The following COTL1 variants were observed in gnomAD, a reference collection of about 807,000 sequenced individuals.
COTL1 encodes the protein coactosin-like protein.
Under a neutral mutation model 16.5 loss-of-function variants are expected in COTL1, and 15 were observed. That is an observed-to-expected ratio of 0.91 (90% CI 0.61 to 1.40). The LOEUF is 1.40. COTL1 is among the 40% of genes most tolerant of loss of function. The probability of loss-of-function intolerance (pLI) is 0.00; values close to 1 mark genes in which losing one functional copy is unlikely to be tolerated. For synonymous variants in COTL1, 112 were observed against 85.3 expected (o/e 1.31, Z -1.73); for missense variants, 220 against 201.5 (o/e 1.09, Z -0.56).
At chr16:84,580,716 G>C (rs1904568874) in intron 3 of COTL1, among the ~76,000 whole-genome samples, 1 of 152,186 alleles carries the variant, frequency 6.6e-6, no homozygotes, top group Non-Finnish European at 1.5e-5. Context: ...TTCCTCATCT[G>C]TATATTGGGG....
chr16:84,593,575 G>C (rs549578652), intron 2 of COTL1, among the ~76,000 whole-genome samples: 1 of 151,110 alleles, frequency 6.6e-6, no homozygotes, highest in Non-Finnish European at 1.5e-5. Context: ...GCAGTGGCGC[G>C]ATCTCGGCTC....
intron 2 of COTL1, among the ~76,000 whole-genome samples, chr16:84,604,899 C>T (rs1905181801): frequency 6.6e-6 from 1 of 152,188 alleles, no homozygotes; most frequent in African/African-American, 2.4e-5. Flanking sequence ...GAATTCTAGC[C>T]AGAAACGGGG....
intron 2 of COTL1, among the ~76,000 whole-genome samples, chr16:84,599,408 C>T (rs531580103): frequency 6.6e-6 from 1 of 152,232 alleles, no homozygotes; most frequent in African/African-American, 2.4e-5. Flanking sequence ...ATGAGAAACA[C>T]AAAAAAGCAA....
chr16:84,603,161 G>A (rs1375130100), intron 2 of COTL1, among the ~76,000 whole-genome samples: 8 of 152,158 alleles, frequency 5.3e-5, no homozygotes, highest in Admixed American at 5.2e-4. Context: ...GTTGGTGGGG[G>A]CAGACTCGCA....
rs148011738 is a variant in COTL1 at position 84,612,384 on chromosome 16, G to T, written c.160+5117C>A. Among the ~76,000 whole-genome samples, 255 of 152,346 alleles carry T rather than the reference G, an allele frequency of 1.7e-3. 2 individuals carry two copies. The highest frequency in any genetic ancestry group is 5.8e-3 in the African/African-American group (243 of 41,572). ...GTCCACATGGGGCCAAATGCCTATT[G>T]CATACCAGCCTGGGCCAGGTGCCTA... On this transcript the variant is annotated intron_variant, in intron 2 of 3. Transcript: ENST00000262428.
chr16:84,574,246 G>A (rs114881297), intron 3 of COTL1, among the ~76,000 whole-genome samples: 3,142 of 152,308 alleles, frequency 0.021, 105 homozygotes, highest in African/African-American at 0.072. Flanking sequence ...GCAGGGCCCT[G>A]GGGATGCGTT....
intron 3 of COTL1, among the ~76,000 whole-genome samples, chr16:84,589,796 T>G (rs2967858): frequency 0.36 from 54,923 of 151,488 alleles, 10,487 homozygotes; most frequent in Middle Eastern, 0.42. Flanking sequence ...GCCGCTATTC[T>G]GGTCCCCCCA....
chr16:84,614,836 G>A (rs137935081), intron 2 of COTL1, among the ~76,000 whole-genome samples: 13 of 152,228 alleles, frequency 8.5e-5, no homozygotes, highest in Admixed American at 2.0e-4. Flanking sequence ...GCAATCCCAC[G>A]AGAGGTGAGA....
chr16:84,581,452 T>C (rs766483078), intron 3 of COTL1, among the ~76,000 whole-genome samples: 7 of 151,886 alleles, frequency 4.6e-5, no homozygotes, highest in South Asian at 2.1e-4. Context: ...CCATGGAGGG[T>C]TGTAGGTTCT....
intron 2 of COTL1, among the ~76,000 whole-genome samples, chr16:84,615,770 C>T (rs891282186): frequency 1.3e-5 from 2 of 152,132 alleles, no homozygotes; most frequent in Non-Finnish European, 2.9e-5. Flanking sequence ...CGTTGCAGTG[C>T]TTTATGCTGC....
chr16:84,612,708 G>A (rs956843506), intron 2 of COTL1, among the ~76,000 whole-genome samples: 34 of 152,224 alleles, frequency 2.2e-4, no homozygotes, highest in Non-Finnish European at 1.3e-4. Context: ...TCTTGACCCC[G>A]GGAGGCAGAG....
intron 3 of COTL1, among the ~76,000 whole-genome samples, chr16:84,589,020 G>C (rs1366746819): frequency 2.6e-5 from 4 of 151,846 alleles, no homozygotes; most frequent in Non-Finnish European, 5.9e-5. Flanking sequence ...GCCCAGGCTG[G>C]AGTGCAGTGG....
chr16:84,590,413 G>A lies in COTL1; in HGVS notation c.161-151C>T. On this transcript the variant is annotated intron_variant, in intron 2 of 3. Transcript: ENST00000262428. This position sits in a 1 kb window ranked among gnomAD's most constrained non-coding sequence, Gnocchi z 5.5. Reference sequence around the variant, plus strand: ...TGGGAGCACCATGTGCAGAGGACAGGAGGGAAGCACTCATCCGCTGCCCTT... The same window carrying A: ...TGGGAGCACCATGTGCAGAGGACAGAAGGGAAGCACTCATCCGCTGCCCTT... 2.5e-6 allele frequency: 2 copies of A among 804,878 alleles called. No individual in the cohort carries two copies. The highest frequency in any genetic ancestry group is 1.9e-5 in the South Asian group (1 of 51,606). The allele number at this position is 804,878 out of a possible 1,614,324, so 49.9% of individuals were successfully genotyped here.
intron 3 of COTL1, among the ~76,000 whole-genome samples, chr16:84,586,146 G>A (rs993346144): frequency 6.6e-6 from 1 of 152,212 alleles, no homozygotes; most frequent in Non-Finnish European, 1.5e-5. Flanking sequence ...CTTTGGCTGT[G>A]CAGAGGCTGC....
intron 2 of COTL1, among the ~76,000 whole-genome samples, chr16:84,603,954 C>CA (rs1417630548): frequency 1.4e-5 from 2 of 137,976 alleles, no homozygotes. Flanking sequence ...CACCTCCCCC[C>CA]ACTTTCTACC....
At chr16:84,605,160 G>C (rs1314621988) in intron 2 of COTL1, among the ~76,000 whole-genome samples, 1 of 152,226 alleles carries the variant, frequency 6.6e-6, no homozygotes, top group East Asian at 1.9e-4. Flanking sequence ...TGGGCCTTAG[G>C]TCTGCCCCAC....
intron 2 of COTL1, among the ~76,000 whole-genome samples, chr16:84,591,791 T>A (rs11643191): frequency 1.3e-5 from 2 of 148,712 alleles, no homozygotes; most frequent in African/African-American, 5.0e-5. Context: ...GCCACTGTAC[T>A]CCAGCCTGGG....
chr16:84,569,445 A>G (rs997959282), intron 3 of COTL1, among the ~76,000 whole-genome samples: 1 of 152,208 alleles, frequency 6.6e-6, no homozygotes, highest in South Asian at 2.1e-4. Flanking sequence ...TCCCGAAGTC[A>G]AGCTTTACAA....
intron 3 of COTL1, among the ~76,000 whole-genome samples, chr16:84,587,396 C>G (rs1038465862): frequency 1.3e-5 from 2 of 152,112 alleles, no homozygotes; most frequent in Non-Finnish European, 2.9e-5. Flanking sequence ...AGATTGTTTT[C>G]TAAAAGAATA....
Sources: allele counts gnomAD v4.1 joint callset (sites outside exome capture counted in the v4.1 genomes callset), GRCh38; gene constraint gnomAD v4.1.1; non-coding constraint Gnocchi (gnomAD v3.1); transcripts MANE v1.5; gene names NCBI Gene and HGNC (gene_info 2026-07-23, HGNC 2026-07-21).